The following ZDHHC17 variants were observed in gnomAD, a reference collection of about 807,000 sequenced individuals.
The protein encoded by ZDHHC17 is palmitoyltransferase ZDHHC17.
In ZDHHC17, 40 loss-of-function variants were observed where a neutral mutation model predicts 90.3. The ratio of observed to expected loss-of-function variants is 0.44; its 90% CI spans 0.34 to 0.58. ZDHHC17 has a LOEUF of 0.58. Ranked by LOEUF, ZDHHC17 falls within the 20% of genes least tolerant of loss-of-function variation. ZDHHC17 has a pLI of 0.01. For missense variants in ZDHHC17, 614 were observed against 780.8 expected (o/e 0.79, Z 2.55); for synonymous variants, 235 against 252.4 (o/e 0.93, Z 0.65).
chr12:76,815,082 C>T (rs1953068495), intron 5 of ZDHHC17, 64 bp from the exon 6 acceptor site: 4 of 1,209,632 alleles, frequency 3.3e-6, no homozygotes, highest in South Asian at 1.4e-5. Flanking sequence ...TAGATTTTTC[C>T]AAGCAAATTT....
At chr12:76,815,836 T>TG in intron 6 of ZDHHC17, 21 bp from the exon 7 acceptor site, 3 of 1,435,594 alleles carry the variant, frequency 2.1e-6, no homozygotes, top group Non-Finnish European at 2.8e-6. Flanking sequence ...GTTGTTTGTT[T>TG]TTTTTTTTTT....
chr12:76,826,219 C>T (rs375895481), intron 8 of ZDHHC17, among the ~76,000 whole-genome samples: 5 of 152,108 alleles, frequency 3.3e-5, no homozygotes, highest in African/African-American at 1.2e-4. Context: ...AGGCAGTAGA[C>T]TTTCTTTGGT....
At chr12:76,772,802 C>G (rs1034844995) in intron 1 of ZDHHC17, among the ~76,000 whole-genome samples, 1 of 151,798 alleles carries the variant, frequency 6.6e-6, no homozygotes, top group Non-Finnish European at 1.5e-5. Context: ...GCCTCGGCCT[C>G]CCAAAGTGCT....
intron 15 of ZDHHC17, 110 bp from the exon 16 acceptor site, chr12:76,849,266 G>A (rs1953533861): frequency 1.8e-6 from 1 of 560,356 alleles, no homozygotes; most frequent in Non-Finnish European, 3.0e-6. Context: ...CCACCCAAGA[G>A]GGAGCTGAGA....
At chr12:76,808,701 C>G (rs1237289758) in intron 3 of ZDHHC17, among the ~76,000 whole-genome samples, 8 of 152,118 alleles carry the variant, frequency 5.3e-5, no homozygotes, top group Non-Finnish European at 1.0e-4. Flanking sequence ...CATGTCTTGC[C>G]TATTCTGCAA....
At chr12:76,809,925 T>C in intron 5 of ZDHHC17, 68 bp downstream of exon 5, 1 of 1,516,964 alleles carries the variant, frequency 6.6e-7, no homozygotes, top group South Asian at 1.2e-5. Flanking sequence ...CTAATATTAT[T>C]GGTGTTGTAA....
intron 12 of ZDHHC17, among the ~76,000 whole-genome samples, chr12:76,843,196 C>T (rs561577837): frequency 8.5e-5 from 13 of 152,120 alleles, no homozygotes; most frequent in South Asian, 6.2e-4. Context: ...TCGGAGGTGC[C>T]GTTTATTTGT....
chr12:76,788,714 T>G (rs1236802840), intron 1 of ZDHHC17, among the ~76,000 whole-genome samples: 1 of 136,576 alleles, frequency 7.3e-6, no homozygotes, highest in African/African-American at 2.7e-5. Context: ...TTTTTTTTTT[T>G]GAGCAGAGTT....
Position 76,846,572 on chromosome 12 carries a change from CCTTG to C in ZDHHC17, c.1424-20_1424-17del. 1.3e-6 allele frequency: 2 copies of C among 1,598,150 alleles called. No homozygotes were observed. The highest frequency in any genetic ancestry group is 1.7e-6 in the Non-Finnish European group (2 of 1,169,516). The stretch of plus-strand genomic sequence containing the variant: ...CGTTGTTTTTTTCTTAGCTGAAAAA[CCTTG>C]CTTCTGTGTCGTTCTTCAGGTGCAG... On this transcript the variant is annotated intron_variant, in intron 13 of 16. Coordinates refer to ENST00000426126, the MANE Select transcript of ZDHHC17 (RefSeq NM_015336.4).
Position 76,797,511 on chromosome 12 carries a change from C to T in ZDHHC17, c.171C>T (p.Ser57=). The change falls in exon 2 of 17, where the codon AGC becomes AGT. Residue 57 remains serine (S), a synonymous_variant. Transcript: ENST00000426126. ...LGRKTHIDDY[S]TWDIVKATQY... is the part of the protein sequence containing the mutation. ...GGAAAACTCATATTGATGATTACAG[C>T]ACATGGGACATAGTCAAGGCTACAC... 1 of 1,608,730 alleles carries T rather than the reference C, an allele frequency of 6.2e-7. No individual in the cohort carries two copies. The highest frequency in any genetic ancestry group is 8.5e-7 in the Non-Finnish European group (1 of 1,177,282).
chr12:76,845,977 C>T (rs1953490816), intron 13 of ZDHHC17, among the ~76,000 whole-genome samples, 175 bp downstream of exon 13: 1 of 152,130 alleles, frequency 6.6e-6, no homozygotes, highest in Non-Finnish European at 1.5e-5. Flanking sequence ...AAAAAAATTA[C>T]AAAATTAGTG....
At chr12:76,817,639 A>G (rs1276447932) in intron 7 of ZDHHC17, among the ~76,000 whole-genome samples, 1 of 152,122 alleles carries the variant, frequency 6.6e-6, no homozygotes. Context: ...ATTCAGTCAC[A>G]GTCATTGGGA....
At chr12:76,833,256 A>T (rs1331618224) in intron 10 of ZDHHC17, among the ~76,000 whole-genome samples, 2 of 152,094 alleles carry the variant, frequency 1.3e-5, no homozygotes, top group East Asian at 1.9e-4. Context: ...TGATTTTTTT[A>T]AAAAACTATA....
rs1410614720 is a variant in ZDHHC17, at chr12:76,800,132, G to A, written c.197+2595G>A. On this transcript the variant is annotated intron_variant, in intron 2 of 16. Transcript: ENST00000426126. ...CCCAACCTGTACATGGTTTTTATTA[G>A]AATGATACATGTAATCTTGTTTTTT... is the stretch of plus-strand genomic sequence containing the variant. 2.0e-5 allele frequency among the ~76,000 whole-genome samples: 3 copies of A among 152,108 alleles called. No homozygotes were observed. The East Asian group carries it at 5.8e-4, about 29-fold the overall frequency.
At chr12:76,815,657 T>C (rs1046538038) in intron 6 of ZDHHC17, among the ~76,000 whole-genome samples, 200 bp from the exon 7 acceptor site, 3 of 151,876 alleles carry the variant, frequency 2.0e-5, no homozygotes, top group African/African-American at 7.2e-5. Context: ...ATTAATATAT[T>C]ATTTTATATG....
chr12:76,825,421 G>C (rs901124045), intron 8 of ZDHHC17, among the ~76,000 whole-genome samples: 1 of 152,018 alleles, frequency 6.6e-6, no homozygotes, highest in African/African-American at 2.4e-5. Context: ...TTCTCACATA[G>C]CAGCACATTA....
At position 76,843,001 on chromosome 12, in the gene ZDHHC17, T is replaced by TCTTC. The variant is rs1953453287; in HGVS notation, c.1329+22_1329+25dup. On this transcript the variant is annotated intron_variant, in intron 12 of 16. Coordinates refer to ENST00000426126, the MANE Select transcript of ZDHHC17 (RefSeq NM_015336.4). ...TGTTTGGTAGTATTTTCTTCTTTGTTCTTCCCTCCCTTCTCTTCCTCCTGA... is the reference window on the plus strand; with the variant it reads ...TGTTTGGTAGTATTTTCTTCTTTGTTCTTCCTTCCCTCCCTTCTCTTCCTCCTGA... The TCTTC allele has an allele frequency of 6.2e-7, 1 of 1,600,350 alleles. No individual in the cohort carries two copies. Among genetic ancestry groups the TCTTC allele is most frequent in the Admixed American group, 1.7e-5 (1 of 59,204 alleles).
At chr12:76,839,005 G>T (rs1399979121) in intron 10 of ZDHHC17, among the ~76,000 whole-genome samples, 1 of 152,184 alleles carries the variant, frequency 6.6e-6, no homozygotes, top group Non-Finnish European at 1.5e-5. Context: ...AGTCTTTGTA[G>T]CTTGCAGATG....
At chr12:76,767,202 G>A (rs1403647671) in intron 1 of ZDHHC17, among the ~76,000 whole-genome samples, 2 of 152,046 alleles carry the variant, frequency 1.3e-5, no homozygotes, top group Non-Finnish European at 2.9e-5. Context: ...TTTGGTTTTG[G>A]TGACTGATTT....
Sources: allele counts gnomAD v4.1 joint callset (sites outside exome capture counted in the v4.1 genomes callset), GRCh38; gene constraint gnomAD v4.1.1; transcripts MANE v1.5; gene names NCBI Gene and HGNC (gene_info 2026-07-23, HGNC 2026-07-21).